Variants in PLA2G6 observed in about 807,000 individuals in gnomAD.
PLA2G6 encodes the protein phospholipase A2 group VI.
PLA2G6 carries 62 observed loss-of-function variants against 83.8 expected under a neutral mutation model. The observed-to-expected ratio is 0.74, with a 90% confidence interval of 0.60 to 0.91. The LOEUF (loss-of-function observed/expected upper bound fraction) is 0.91, where lower values mean the gene tolerates loss of function less well. PLA2G6 is among the 40% of genes least tolerant of loss of function. The pLI, the probability that PLA2G6 is intolerant of heterozygous loss-of-function variation, is 0.00. For missense variants in PLA2G6, 944 were observed against 1,102.0 expected, an observed-to-expected ratio of 0.86 and a Z score of 2.03; for synonymous variants, 417 against 449.8, an observed-to-expected ratio of 0.93 and a Z score of 0.92.
chr22:38,156,044 C>T (rs1009229951), intron 2 of PLA2G6, among the ~76,000 whole-genome samples: 1 of 152,016 alleles, frequency 6.6e-6, no homozygotes, highest in Non-Finnish European at 1.5e-5. Flanking sequence ...TTCTATGAGG[C>T]AAAACAGACT....
At chr22:38,119,798 G>A (rs2087418722) in intron 12 of PLA2G6, among the ~76,000 whole-genome samples, 1 of 151,926 alleles carries the variant, frequency 6.6e-6, no homozygotes, top group Non-Finnish European at 1.5e-5. Flanking sequence ...GGGCCCCACA[G>A]CAAGACCCTG....
intron 2 of PLA2G6, among the ~76,000 whole-genome samples, chr22:38,153,441 G>A (rs1602216884): frequency 6.6e-6 from 1 of 152,148 alleles, no homozygotes; most frequent in East Asian, 1.9e-4. Flanking sequence ...CCTTCCCCAA[G>A]TTTGCATTTT....
intron 15 of PLA2G6, chr22:38,112,905 CTCTT>C (rs747643736): frequency 5.5e-4 from 230 of 419,322 alleles, no homozygotes; most frequent in Middle Eastern, 1.3e-3. Flanking sequence ...CTCTCTCTCT[CTCTT>C]TCTTTCTTTC....
chr22:38,132,880 G>C lies in PLA2G6; in HGVS notation c.1028C>G (p.Ala343Gly). Residue 343 changes from alanine to glycine, a missense_variant, in exon 7 of 17, where the codon GCG becomes GGG. Ala to Gly is a moderately conservative substitution (Grantham distance 60). Transcript: ENST00000332509. The surrounding 1 kb of genome is among the most constrained non-coding windows in gnomAD (Gnocchi z 5.0). ...GTTGCCGTGCTCTCCGCGGGCATCC[G>C]CGTTGGCCCCGTGGGTCAGCAGCAC... ...AIVLLTHGAN[A>G]DARGEHGNTP... 6.4e-7 allele frequency: 1 copy of C among 1,553,988 alleles called. No individual in the cohort carries two copies. Among genetic ancestry groups the C allele is most frequent in the Non-Finnish European group, 8.7e-7 (1 of 1,149,682 alleles).
At position 38,116,057 on chromosome 22, in the gene PLA2G6, A is replaced by C. The variant is rs867943649; in HGVS notation, c.1879+18T>G. 6.2e-7 allele frequency: 1 copy of C among 1,613,180 alleles called. No individual in the cohort carries two copies. Among genetic ancestry groups the C allele is most frequent in the East Asian group, 2.2e-5 (1 of 44,880 alleles). On this transcript the variant is annotated intron_variant, in intron 13 of 16. Transcript: ENST00000332509. ...CGGGCCAGTCGCTTCCCATGGATGC[A>C]TCAAACATGGTTTAAACCTGAGGGC...
intron 2 of PLA2G6, among the ~76,000 whole-genome samples, chr22:38,155,087 C>T (rs751747799): frequency 9.2e-5 from 14 of 152,144 alleles, no homozygotes; most frequent in Admixed American, 6.5e-4. Context: ...ATTAGCCAGG[C>T]GTGGTGGCGG....
Position 38,142,786 on chromosome 22 carries a change from T to C in PLA2G6, c.609+319A>G, listed in dbSNP as rs551049925. On this transcript the variant is annotated intron_variant, in intron 4 of 16. Transcript: ENST00000332509. ...GCCCACGAGCCCCTCCAGGCAGGCA[T>C]CTGGCTCACAGTTTGTGCTCAGGAA... 177 of 413,492 alleles carry C rather than the reference T, an allele frequency of 4.3e-4. 3 individuals carry two copies. The highest frequency in any genetic ancestry group is 3.7e-3 in the South Asian group (170 of 46,166). 25.6% of individuals were successfully genotyped at this position (413,492 alleles called of 1,614,324 possible).
intron 1 of PLA2G6, among the ~76,000 whole-genome samples, chr22:38,175,244 C>A (rs569257758): frequency 6.6e-6 from 1 of 152,316 alleles, no homozygotes; most frequent in African/African-American, 2.4e-5. Flanking sequence ...CTTCAAGGCC[C>A]AGCTGCCCCC....
chr22:38,141,692 A>G (rs1042496797), intron 4 of PLA2G6: 3 of 152,028 alleles, frequency 2.0e-5, no homozygotes, highest in African/African-American at 7.3e-5. Flanking sequence ...CACATACAAC[A>G]CTCAGTTCAA....
intron 12 of PLA2G6, among the ~76,000 whole-genome samples, chr22:38,117,630 T>A (rs1313540606): frequency 6.6e-6 from 1 of 152,112 alleles, no homozygotes. Context: ...AACTAAAATA[T>A]CCATCAATGG....
At chr22:38,136,815 T>C (rs1489731944) in intron 5 of PLA2G6, 1 of 150,402 alleles carries the variant, frequency 6.6e-6, no homozygotes, top group African/African-American at 2.4e-5. Context: ...TGGCACTTAC[T>C]GACTGCCTGA....
intron 9 of PLA2G6, chr22:38,127,374 G>C: frequency 7.6e-7 from 1 of 1,310,334 alleles, no homozygotes. Context: ...CGCATGGCTA[G>C]GCTCGGTGGC....
chr22:38,116,850 T>C, intron 12 of PLA2G6, among the ~76,000 whole-genome samples: 1 of 19,908 alleles, frequency 5.0e-5, no homozygotes, highest in South Asian at 2.2e-3. Flanking sequence ...AAACTCCGTC[T>C]CAAAAAAAAA....
Position 38,116,176 on chromosome 22 carries a change from G to T in PLA2G6, c.1778C>A (p.Pro593Gln), listed in dbSNP as rs1451486649. 6.2e-7 allele frequency: 1 copy of T among 1,613,782 alleles called. No homozygotes were observed. The highest frequency in any genetic ancestry group is 1.3e-5 in the African/African-American group (1 of 74,922). ...MLTGTLSDRQ[P>Q]AELHLFRNYD... ...GTTCCGGAAGAGGTGGAGTTCAGCC[G>T]GCTGCCGGTCAGACAGTGTCCCTGT... Residue 593 changes from proline to glutamine, a missense_variant, in exon 13 of 17, where the codon CCG (proline) becomes CAG (glutamine). Physicochemically the swap from Pro to Gln is moderately conservative, Grantham distance 76. Transcript: ENST00000332509.
chr22:38,134,343 C>CTG, intron 6 of PLA2G6: 1 of 152,462 alleles, frequency 6.6e-6, no homozygotes, highest in Non-Finnish European at 1.5e-5. Context: ...AGGCAGATCA[C>CTG]GAGGTCAGGA....
chr22:38,138,434 C>A (rs1399172707), intron 5 of PLA2G6: 1 of 152,432 alleles, frequency 6.6e-6, no homozygotes, highest in African/African-American at 2.4e-5. Flanking sequence ...GTGGATGCAG[C>A]TCCCAGAGGA....
intron 11 of PLA2G6, among the ~76,000 whole-genome samples, chr22:38,121,871 G>T (rs1324815147): frequency 6.6e-6 from 1 of 152,166 alleles, no homozygotes; most frequent in African/African-American, 2.4e-5. Flanking sequence ...CTGAGGCTGG[G>T]GTAGAGAGCT....
Position 38,128,112 on chromosome 22 carries a change from G to A in PLA2G6, c.1348+157C>T. 1.4e-6 allele frequency: 1 copy of A among 715,986 alleles called. No homozygotes were observed. The highest frequency in any genetic ancestry group is 2.4e-6 in the Non-Finnish European group (1 of 416,272). 44.4% of individuals were successfully genotyped at this position (715,986 alleles called of 1,614,324 possible). On this transcript the variant is annotated intron_variant, in intron 9 of 16. Coordinates refer to ENST00000332509, the MANE Select transcript of PLA2G6 (RefSeq NM_003560.4). The surrounding 1 kb of genome is among the most constrained non-coding windows in gnomAD (Gnocchi z 4.4). ...CACCCTAGGCCTCTGGGATCTGTGG[G>A]TTGCTGGCTGCCTAGAGGCTGACAA... is the stretch of plus-strand genomic sequence containing the variant.
intron 14 of PLA2G6, among the ~76,000 whole-genome samples, chr22:38,114,471 C>A (rs944011379): frequency 3.3e-5 from 5 of 152,226 alleles, no homozygotes; most frequent in Non-Finnish European, 7.3e-5. Flanking sequence ...AGGCGTGAGC[C>A]GCTGCGCCCG....
Sources: allele counts gnomAD v4.1 joint callset (sites outside exome capture counted in the v4.1 genomes callset), GRCh38; gene constraint gnomAD v4.1.1; non-coding constraint Gnocchi (gnomAD v3.1); transcripts MANE v1.5; gene names NCBI Gene and HGNC (gene_info 2026-07-23, HGNC 2026-07-21).